The following SESTD1 variants were observed in gnomAD, a reference collection of about 807,000 sequenced individuals.
SESTD1 encodes SEC14 domain and spectrin repeat-containing protein 1.
A neutral mutation model predicts 101.7 loss-of-function variants in SESTD1; 43 were observed. That is an observed-to-expected ratio of 0.42 (90% CI 0.33 to 0.55). The LOEUF (loss-of-function observed/expected upper bound fraction) is 0.55. SESTD1 is among the 20% of genes least tolerant of loss of function. The probability of loss-of-function intolerance (pLI) is 0.07; values close to 1 mark genes in which losing one functional copy is unlikely to be tolerated. For missense variants in SESTD1, 647 were observed against 815.1 expected (o/e 0.79, Z 2.51); for synonymous variants, 283 against 286.8 (o/e 0.99, Z 0.13).
chr2:179,156,502 T>C lies in SESTD1; in HGVS notation c.370-5111A>G, dbSNP rs117901268. On this transcript the variant is annotated intron_variant, in intron 5 of 17. Transcript: ENST00000428443. ...GGCATTCACGCCAACATCTGTTTTT[T>C]GATTATAGCCATTCTTGCAGGAGTT... is the stretch of plus-strand genomic sequence containing the variant. Among the ~76,000 whole-genome samples, 250 of 152,324 alleles carry C rather than the reference T, an allele frequency of 1.6e-3. 6 individuals carry two copies. In the East Asian group the frequency reaches 0.044, roughly 27 times the overall value.
intron 1 of SESTD1, among the ~76,000 whole-genome samples, chr2:179,262,188 T>C (rs761965869): frequency 2.6e-5 from 4 of 152,118 alleles, no homozygotes; most frequent in Non-Finnish European, 5.9e-5. Context: ...AGTAAATTAG[T>C]GGTTGTCAAA....
intron 17 of SESTD1, among the ~76,000 whole-genome samples, chr2:179,112,245 G>A (rs1165968247): frequency 1.3e-5 from 2 of 152,138 alleles, no homozygotes; most frequent in Non-Finnish European, 2.9e-5. Context: ...GTGAAATCCT[G>A]AGAGCCTTAC....
At chr2:179,188,953 A>G (rs6716406) in intron 2 of SESTD1, among the ~76,000 whole-genome samples, 201 of 152,304 alleles carry the variant, frequency 1.3e-3, no homozygotes, top group African/African-American at 4.7e-3. Flanking sequence ...CTACCAATCA[A>G]AAAAAGCCCT....
intron 9 of SESTD1, among the ~76,000 whole-genome samples, chr2:179,136,834 TAAATA>T (rs1161759791): frequency 2.0e-5 from 3 of 151,920 alleles, no homozygotes; most frequent in Non-Finnish European, 4.4e-5. Context: ...AAATAAATCT[TAAATA>T]AAGCAAAGAT....
intron 1 of SESTD1, among the ~76,000 whole-genome samples, chr2:179,198,468 G>A (rs1342130154): frequency 3.3e-5 from 5 of 152,206 alleles, no homozygotes; most frequent in Admixed American, 3.3e-4. Context: ...ATAGACATCT[G>A]CAGAACTCTC....
At chr2:179,145,051 C>T (rs965692091) in intron 8 of SESTD1, among the ~76,000 whole-genome samples, 1 of 151,970 alleles carries the variant, frequency 6.6e-6, no homozygotes, top group Non-Finnish European at 1.5e-5. Context: ...ACTTAGGACA[C>T]CTGAATCAAT....
intron 2 of SESTD1, among the ~76,000 whole-genome samples, chr2:179,183,897 G>A (rs1479244368): frequency 6.9e-6 from 1 of 145,528 alleles, no homozygotes; most frequent in African/African-American, 2.5e-5. Flanking sequence ...AGGAAACGAG[G>A]AAGGGAGGTA....
rs1219008669 is a variant in SESTD1, at chr2:179,214,994, T to A, written c.-25-23128A>T. 8.2e-5 allele frequency among the ~76,000 whole-genome samples: 11 copies of A among 134,146 alleles called. 2 individuals are homozygous for A. The highest frequency in any genetic ancestry group is 7.9e-4 in the Admixed American group (11 of 13,846). The allele number at this position is 134,146 out of a possible 152,430, so 88.0% of individuals were successfully genotyped here. On this transcript the variant is annotated intron_variant, in intron 1 of 17. Transcript: ENST00000428443. ...TCCGAGACACATTTAAAGCAGCATG[T>A]AGATGGAAATTTATAGCACTAAATG... is the stretch of plus-strand genomic sequence containing the variant.
rs150537155 is a variant in SESTD1, at chr2:179,168,000, G to C, written c.369+4120C>G. On this transcript the variant is annotated intron_variant, in intron 5 of 17. Transcript: ENST00000428443. ...CCAGTCTCAAACTCCTGACCCTCAG[G>C]TGATCCACTGCCTTGGCCTCCCAAA... Among the ~76,000 whole-genome samples the C allele has an allele frequency of 4.5e-3, 692 of 152,250 alleles. 2 individuals are homozygous for C. Among genetic ancestry groups the C allele is most frequent in the Non-Finnish European group, 7.6e-3 (514 of 68,012 alleles).
At chr2:179,179,322 C>A (rs901422740) in intron 3 of SESTD1, among the ~76,000 whole-genome samples, 35 of 152,132 alleles carry the variant, frequency 2.3e-4, no homozygotes, top group African/African-American at 8.4e-4. Context: ...AAATCTAAGA[C>A]CCAGCCTCCT....
At chr2:179,169,348 A>G (rs886530646) in intron 5 of SESTD1, among the ~76,000 whole-genome samples, 1 of 152,200 alleles carries the variant, frequency 6.6e-6, no homozygotes, top group African/African-American at 2.4e-5. Flanking sequence ...ATCAGGAATA[A>G]AAACATTCAA....
rs1019958987 is a variant in SESTD1 at position 179,107,311 on chromosome 2, T to C, written c.*2588A>G. 6.6e-6 allele frequency: 1 copy of C among 152,192 alleles called. No homozygotes were observed. The highest frequency in any genetic ancestry group is 1.5e-5 in the Non-Finnish European group (1 of 68,020). 9.4% of individuals were successfully genotyped at this position (152,192 alleles called of 1,614,324 possible). ...ATGAGGAGCAATGATATTCATTATGTTAAAATCATACTTGGCCTCATGTGA... is the reference window on the plus strand; with the variant it reads ...ATGAGGAGCAATGATATTCATTATGCTAAAATCATACTTGGCCTCATGTGA... On this transcript the variant is annotated 3_prime_UTR_variant, in exon 18 of 18. Transcript: ENST00000428443.
intron 10 of SESTD1, among the ~76,000 whole-genome samples, chr2:179,128,379 C>A (rs1357752376): frequency 6.6e-6 from 1 of 152,124 alleles, no homozygotes; most frequent in African/African-American, 2.4e-5. Context: ...GCAAAAAAAT[C>A]TGGCTAATAC....
At chr2:179,112,947 A>T in intron 16 of SESTD1, 102 bp from the exon 17 acceptor site, 1 of 1,416,350 alleles carries the variant, frequency 7.1e-7, no homozygotes, top group Admixed American at 2.5e-5. Context: ...AAAGAAAGAC[A>T]CAGAAATGGA....
chr2:179,125,516 GCTCT>G (rs961687296), intron 10 of SESTD1, among the ~76,000 whole-genome samples: 4 of 152,108 alleles, frequency 2.6e-5, no homozygotes, highest in South Asian at 2.1e-4. Flanking sequence ...GGTGGATAGC[GCTCT>G]CTCTCTTTTC....
chr2:179,235,376 A>T (rs2047051371), intron 1 of SESTD1, among the ~76,000 whole-genome samples: 1 of 152,148 alleles, frequency 6.6e-6, no homozygotes, highest in African/African-American at 2.4e-5. Context: ...GTGGAGTGAA[A>T]CCTATACAGT....
rs200971006 is a variant in SESTD1 at position 179,132,328 on chromosome 2, G to A, written c.948C>T (p.His316=). ...IRASQALQQK[H]EEIESQHSEW... is the part of the protein sequence containing the mutation. ...CACTGTGCTGGCTCTCAATCTCTTCGTGTTTCTGCTGTAGGGCCTGGGAGG... is the reference window on the plus strand; with the variant it reads ...CACTGTGCTGGCTCTCAATCTCTTCATGTTTCTGCTGTAGGGCCTGGGAGG... Residue 316 remains histidine (H), a synonymous_variant, in exon 10 of 18, where the codon CAC becomes CAT. Coordinates refer to ENST00000428443, the MANE Select transcript of SESTD1 (RefSeq NM_178123.5). The A allele has an allele frequency of 2.0e-5, 31 of 1,556,242 alleles. No individual in the cohort carries two copies. The South Asian group carries it at 2.2e-4, about 11-fold the overall frequency.
intron 1 of SESTD1, among the ~76,000 whole-genome samples, chr2:179,226,672 C>A (rs550443151): frequency 6.6e-6 from 1 of 152,202 alleles, no homozygotes; most frequent in East Asian, 1.9e-4. Context: ...AGATTTTGGG[C>A]ATGATGCATA....
chr2:179,261,104 C>G (rs2047476691), intron 1 of SESTD1, among the ~76,000 whole-genome samples: 1 of 152,196 alleles, frequency 6.6e-6, no homozygotes, highest in South Asian at 2.1e-4. Flanking sequence ...TATTAAGAAG[C>G]TGTTACTAGG....
Sources: gnomAD v4.1 joint callset for allele counts (sites outside exome capture counted in the v4.1 genomes callset) on GRCh38, gnomAD v4.1.1 for gene constraint, MANE v1.5 for transcripts, NCBI Gene and HGNC (gene_info 2026-07-23, HGNC 2026-07-21) for gene names.